The following XRCC4 variants were observed in gnomAD, a reference collection of about 807,000 sequenced individuals.
XRCC4 encodes X-ray repair cross complementing 4.
XRCC4 carries 28 observed loss-of-function variants against 39.1 expected under a neutral mutation model. The ratio of observed to expected loss-of-function variants is 0.72; its 90% CI spans 0.53 to 0.98. The LOEUF (loss-of-function observed/expected upper bound fraction) is 0.98, where lower values mean the gene tolerates loss of function less well. Ranked by LOEUF, XRCC4 falls within the 50% of genes least tolerant of loss-of-function variation. The pLI, the probability that XRCC4 is intolerant of heterozygous loss-of-function variation, is 0.00. For missense variants in XRCC4, 350 were observed against 376.4 expected (o/e 0.93, Z 0.58); for synonymous variants, 123 against 126.4 (o/e 0.97, Z 0.18).
At chr5:83,228,439 T>C (rs181353920) in intron 6 of XRCC4, among the ~76,000 whole-genome samples, 3 of 152,134 alleles carry the variant, frequency 2.0e-5, no homozygotes, top group Non-Finnish European at 2.9e-5. Flanking sequence ...ATGAGGTAGA[T>C]TTAGATCTCT....
At chr5:83,343,011 G>C (rs1235713318) in intron 7 of XRCC4, among the ~76,000 whole-genome samples, 1 of 151,688 alleles carries the variant, frequency 6.6e-6, no homozygotes, top group East Asian at 1.9e-4. Flanking sequence ...TGTTTTTTAA[G>C]GTCATTTCGA....
intron 1 of XRCC4, among the ~76,000 whole-genome samples, chr5:83,081,307 A>G (rs1192231923): frequency 6.6e-6 from 1 of 152,142 alleles, no homozygotes; most frequent in Non-Finnish European, 1.5e-5. Flanking sequence ...ATTCACATAT[A>G]TTGAAAGACA....
chr5:83,266,811 G>C (rs892117080), intron 7 of XRCC4, among the ~76,000 whole-genome samples: 1 of 152,032 alleles, frequency 6.6e-6, no homozygotes, highest in African/African-American at 2.4e-5. Context: ...TAAATTATCA[G>C]TGTATTGGAT....
intron 6 of XRCC4, among the ~76,000 whole-genome samples, chr5:83,227,796 A>G (rs1362869722): frequency 4.6e-5 from 7 of 152,094 alleles, no homozygotes; most frequent in Non-Finnish European, 1.0e-4. Context: ...CTCATGAGAA[A>G]AAAATGTAAC....
intron 6 of XRCC4, among the ~76,000 whole-genome samples, chr5:83,240,060 G>T (rs1752846236): frequency 3.3e-5 from 5 of 152,012 alleles, no homozygotes; most frequent in Admixed American, 1.3e-4. Flanking sequence ...TGTAGTACCA[G>T]CTACTCAGGA....
intron 6 of XRCC4, among the ~76,000 whole-genome samples, chr5:83,205,795 G>A (rs575513139): frequency 3.9e-5 from 6 of 152,148 alleles, no homozygotes; most frequent in Admixed American, 1.3e-4. Context: ...CAGAGAAGGC[G>A]TTAGAAAGGT....
At chr5:83,112,595 A>G (rs1427050369) in intron 3 of XRCC4, among the ~76,000 whole-genome samples, 1 of 152,214 alleles carries the variant, frequency 6.6e-6, no homozygotes, top group African/African-American at 2.4e-5. Flanking sequence ...ACTGCTAATA[A>G]AGACATACCC....
intron 3 of XRCC4, among the ~76,000 whole-genome samples, chr5:83,139,236 A>G (rs1350571379): frequency 1.3e-5 from 2 of 152,052 alleles, no homozygotes; most frequent in Non-Finnish European, 2.9e-5. Context: ...CTGGCCATTG[A>G]GAGTTTGTAG....
rs944952084 is a variant in XRCC4, at chr5:83,173,616, A to G, written c.316-22154A>G. 2.6e-5 allele frequency among the ~76,000 whole-genome samples: 4 copies of G among 152,320 alleles called. 1 individual carries two copies. In the South Asian group the frequency reaches 8.3e-4, roughly 32 times the overall value. On this transcript the variant is annotated intron_variant, in intron 3 of 7. Transcript: ENST00000396027. ...AAATGTATTAGAAATATTCATACAT[A>G]TCAGAGTATGTTAGTCAGGGGAAGG...
At chr5:83,105,194 G>A in intron 2 of XRCC4, 136 bp downstream of exon 2, 3 of 814,684 alleles carry the variant, frequency 3.7e-6, no homozygotes, top group Non-Finnish European at 1.8e-6. Context: ...TTATACACAG[G>A]TTTGTAATAT....
intron 6 of XRCC4, among the ~76,000 whole-genome samples, chr5:83,226,384 G>C (rs796338863): frequency 3.3e-5 from 5 of 152,070 alleles, no homozygotes; most frequent in Non-Finnish European, 1.5e-5. Context: ...GGTGGAAAGA[G>C]AGCATCATAC....
intron 2 of XRCC4, 51 bp from the exon 3 acceptor site, chr5:83,110,977 T>C (rs1191605546): frequency 6.6e-7 from 1 of 1,514,182 alleles, no homozygotes; most frequent in South Asian, 1.3e-5. Context: ...TATTTTCTCA[T>C]GTGTAGTCAT....
At chr5:83,338,280 CAAG>C (rs1434874199) in intron 7 of XRCC4, among the ~76,000 whole-genome samples, 1 of 152,090 alleles carries the variant, frequency 6.6e-6, no homozygotes, top group Admixed American at 6.6e-5. Flanking sequence ...AAGTGAAAGA[CAAG>C]GAGAACAGAT....
chr5:83,133,694 TGGG>T (rs1747727709), intron 3 of XRCC4, among the ~76,000 whole-genome samples: 1 of 152,132 alleles, frequency 6.6e-6, no homozygotes. Context: ...AAGCCAGGCG[TGGG>T]ATATAATCTC....
intron 7 of XRCC4, among the ~76,000 whole-genome samples, chr5:83,271,167 T>C (rs530882108): frequency 6.6e-6 from 1 of 152,316 alleles, no homozygotes; most frequent in South Asian, 2.1e-4. Context: ...ACTTAATTGC[T>C]TACTGCCTTT....
At chr5:83,351,762 C>T (rs112991936) in intron 7 of XRCC4, among the ~76,000 whole-genome samples, 2 of 152,094 alleles carry the variant, frequency 1.3e-5, no homozygotes, top group African/African-American at 4.8e-5. Context: ...CAGAACATGT[C>T]CCAGGTCTAG....
chr5:83,362,095 T>A, the XRCC4 span, among the ~76,000 whole-genome samples: 13 of 152,134 alleles, frequency 8.5e-5, no homozygotes, highest in East Asian at 1.9e-4. Flanking sequence ...GTACTAAATG[T>A]TAATACTTTT....
At chr5:83,185,821 G>A (rs1376519642) in intron 3 of XRCC4, among the ~76,000 whole-genome samples, 2 of 151,980 alleles carry the variant, frequency 1.3e-5, no homozygotes, top group African/African-American at 4.8e-5. Flanking sequence ...GCATTGGTTA[G>A]GTATTTGGAG....
chr5:83,299,266 C>G (rs1409142011), intron 7 of XRCC4, among the ~76,000 whole-genome samples: 2 of 152,132 alleles, frequency 1.3e-5, no homozygotes, highest in East Asian at 3.8e-4. Flanking sequence ...AGTTGGCCAA[C>G]AGTTTCACAA....
Sources: gnomAD v4.1 joint callset for allele counts (sites outside exome capture counted in the v4.1 genomes callset) on GRCh38, gnomAD v4.1.1 for gene constraint, MANE v1.5 for transcripts, NCBI Gene and HGNC (gene_info 2026-07-23, HGNC 2026-07-21) for gene names.